The following MCF2L2 variants were observed in gnomAD, a reference collection of about 807,000 sequenced individuals.
MCF2L2 encodes the protein probable guanine nucleotide exchange factor MCF2L2.
MCF2L2 carries 102 observed loss-of-function variants against 150.2 expected under a neutral mutation model. The ratio of observed to expected loss-of-function variants is 0.68; its 90% CI spans 0.58 to 0.80. The LOEUF (loss-of-function observed/expected upper bound fraction) is 0.80. Among genes scored for constraint, MCF2L2 ranks in the 30% least tolerant of loss-of-function variants. The pLI is 0.00. For synonymous variants in MCF2L2, 465 were observed against 491.3 expected (o/e 0.95, Z 0.71); for missense variants, 1,256 against 1,372.8 (o/e 0.91, Z 1.34).
At chr3:183,350,829 G>A (rs767254766) in intron 3 of MCF2L2, among the ~76,000 whole-genome samples, 15 of 151,866 alleles carry the variant, frequency 9.9e-5, no homozygotes, top group Non-Finnish European at 1.9e-4. Flanking sequence ...GTGTGAACCC[G>A]GGAGGCGGAG....
intron 15 of MCF2L2, among the ~76,000 whole-genome samples, chr3:183,232,792 C>A (rs1723619090): frequency 1.3e-5 from 2 of 152,162 alleles, no homozygotes; most frequent in South Asian, 4.1e-4. Flanking sequence ...CAACAATTTT[C>A]ATCTATTAGA....
At chr3:183,359,322 T>C (rs956235516) in intron 3 of MCF2L2, among the ~76,000 whole-genome samples, 2 of 152,228 alleles carry the variant, frequency 1.3e-5, no homozygotes, top group Admixed American at 6.5e-5. Flanking sequence ...TCCATTACTA[T>C]ACTAACAAAA....
At chr3:183,405,493 A>G (rs980586364) in intron 1 of MCF2L2, among the ~76,000 whole-genome samples, 3 of 152,034 alleles carry the variant, frequency 2.0e-5, no homozygotes, top group African/African-American at 7.2e-5. Context: ...CCCACCCTTA[A>G]CCCCTGGAAA....
intron 20 of MCF2L2, among the ~76,000 whole-genome samples, chr3:183,222,334 G>A (rs529984272): frequency 7.2e-5 from 11 of 152,180 alleles, no homozygotes; most frequent in South Asian, 2.1e-4. Context: ...GGCAGATCAC[G>A]AGGTCAGGAG....
intron 16 of MCF2L2, 88 bp downstream of exon 16, chr3:183,230,863 T>G: frequency 1.0e-6 from 1 of 997,942 alleles, no homozygotes; most frequent in Non-Finnish European, 1.5e-6. Flanking sequence ...TTCTGGAGAC[T>G]TCTGGCAACT....
At position 183,305,163 on chromosome 3, in the gene MCF2L2, C is replaced by A. The variant is rs1208701463; in HGVS notation, c.1113+4553G>T. Among the ~76,000 whole-genome samples, 1 of 152,158 alleles carries A rather than the reference C, an allele frequency of 6.6e-6. No individual in the cohort carries two copies. Among genetic ancestry groups the A allele is most frequent in the East Asian group, 1.9e-4 (1 of 5,192 alleles). The stretch of plus-strand genomic sequence containing the variant: ...GAAAGAGAAGAGCCAGGCTTCAAAC[C>A]CAGGCAGTCTTGCTCCAGGATCTGG... On this transcript the variant is annotated intron_variant, in intron 10 of 29. Coordinates refer to ENST00000328913, the MANE Select transcript of MCF2L2 (RefSeq NM_015078.4). The surrounding 1 kb of genome is among the most constrained non-coding windows in gnomAD (Gnocchi z 4.1).
chr3:183,267,478 A>G lies in MCF2L2; in HGVS notation c.1862+9394T>C, dbSNP rs1726265731. The stretch of plus-strand genomic sequence containing the variant: ...AGGTGTCACAGCTGAGGCTAGGCCC[A>G]TTCTGCAGGGCACTCAGTGTGTACA... On this transcript the variant is annotated intron_variant, in intron 15 of 29. Transcript: ENST00000328913. The surrounding 1 kb of genome is among the most constrained non-coding windows in gnomAD (Gnocchi z 5.5). 6.6e-6 allele frequency among the ~76,000 whole-genome samples: 1 copy of G among 152,226 alleles called. No individual in the cohort carries two copies. Among genetic ancestry groups the G allele is most frequent in the South Asian group, 2.1e-4 (1 of 4,828 alleles).
chr3:183,324,138 C>T (rs1465147146), intron 5 of MCF2L2, among the ~76,000 whole-genome samples: 6 of 152,216 alleles, frequency 3.9e-5, no homozygotes, highest in Admixed American at 2.6e-4. Context: ...AAAAGACTCA[C>T]TACACTGGTG....
intron 5 of MCF2L2, among the ~76,000 whole-genome samples, chr3:183,329,289 G>A (rs1730172629): frequency 6.6e-6 from 1 of 152,126 alleles, no homozygotes; most frequent in African/African-American, 2.4e-5. Context: ...CTCTGCCTCA[G>A]CAATTCTCCT....
intron 11 of MCF2L2, chr3:183,298,765 G>GCGCGCGCACGCACACACA: frequency 7.2e-6 from 1 of 138,500 alleles, no homozygotes; most frequent in Non-Finnish European, 1.5e-5. Context: ...AAACACACAT[G>GCGCGCGCACGCACACACA]CACACACACA....
chr3:183,258,093 G>A (rs996849408), intron 15 of MCF2L2, among the ~76,000 whole-genome samples: 3 of 146,038 alleles, frequency 2.1e-5, no homozygotes, highest in East Asian at 4.4e-4. Flanking sequence ...TCAGCCTCCC[G>A]AGTAGCTGGG....
intron 5 of MCF2L2, among the ~76,000 whole-genome samples, chr3:183,328,336 C>T (rs1001009180): frequency 6.6e-6 from 1 of 152,046 alleles, no homozygotes; most frequent in Non-Finnish European, 1.5e-5. Flanking sequence ...CTGTCAGAAC[C>T]CCCCTAATCC....
At chr3:183,373,037 T>C (rs1712982158) in intron 3 of MCF2L2, 1 of 152,198 alleles carries the variant, frequency 6.6e-6, no homozygotes, top group Admixed American at 6.5e-5. Flanking sequence ...ACTAATGTCT[T>C]TTCAGACCAT....
intron 3 of MCF2L2, among the ~76,000 whole-genome samples, chr3:183,371,698 G>A (rs1170532960): frequency 4.7e-5 from 7 of 149,292 alleles, no homozygotes; most frequent in Admixed American, 2.7e-4. Context: ...GGCTGTTCTT[G>A]AACTCCTGAC....
rs1721448185 is a variant in MCF2L2, at chr3:183,179,688, G to A, written c.3110C>T (p.Ala1037Val). ...MEKESSALSL[A>V]GLFQSDDSHE... ...ACTGTCGTCCGACTGGAAAAGGCCC[G>A]CGAGCTGGAAGGGAGGGGACGGGTG... Residue 1037 changes from alanine to valine, a missense_variant, in exon 29 of 30, where the codon GCG becomes GTG. Transcript: ENST00000328913. This position sits in a 1 kb window ranked among gnomAD's most constrained non-coding sequence, Gnocchi z 4.2. 6.2e-7 allele frequency: 1 copy of A among 1,613,736 alleles called. No homozygotes were observed. The highest frequency in any genetic ancestry group is 1.1e-5 in the South Asian group (1 of 91,058).
intron 14 of MCF2L2, among the ~76,000 whole-genome samples, chr3:183,279,174 C>A (rs889941154): frequency 7.9e-5 from 12 of 152,056 alleles, no homozygotes. Context: ...CACACACACA[C>A]ATACACACAC....
At chr3:183,277,659 A>G (rs1236054541) in intron 14 of MCF2L2, among the ~76,000 whole-genome samples, 3 of 150,062 alleles carry the variant, frequency 2.0e-5, no homozygotes, top group African/African-American at 7.3e-5. Context: ...TATTCCAAAT[A>G]TATATATATA....
intron 25 of MCF2L2, among the ~76,000 whole-genome samples, chr3:183,199,663 T>G (rs575046853): frequency 6.6e-6 from 1 of 151,902 alleles, no homozygotes; most frequent in Non-Finnish European, 1.5e-5. Context: ...AGGGTACGTG[T>G]GCACAACATG....
intron 26 of MCF2L2, 112 bp from the exon 27 acceptor site, chr3:183,193,208 C>G (rs867725556): frequency 2.4e-6 from 2 of 820,920 alleles, no homozygotes; most frequent in Middle Eastern, 2.3e-4. Context: ...GTCTAGGTCT[C>G]GAGGACCTGC....
Sources: gnomAD v4.1 joint callset for allele counts (sites outside exome capture counted in the v4.1 genomes callset) on GRCh38, gnomAD v4.1.1 for gene constraint, Gnocchi (gnomAD v3.1) non-coding constraint, MANE v1.5 for transcripts, NCBI Gene and HGNC (gene_info 2026-07-23, HGNC 2026-07-21) for gene names.